Variants in PLA2R1 observed in about 807,000 individuals in gnomAD.
PLA2R1 encodes the protein secretory phospholipase A2 receptor.
A neutral mutation model predicts 195.9 loss-of-function variants in PLA2R1; 158 were observed. That is an observed-to-expected ratio of 0.81 (90% CI 0.71 to 0.92). PLA2R1 has a LOEUF of 0.92. Ranked by LOEUF, PLA2R1 falls within the 40% of genes least tolerant of loss-of-function variation. PLA2R1 has a pLI of 0.00. For synonymous variants in PLA2R1, 586 were observed against 598.2 expected (o/e 0.98, Z 0.30); for missense variants, 1,626 against 1,764.6 (o/e 0.92, Z 1.41).
intron 14 of PLA2R1, among the ~76,000 whole-genome samples, chr2:159,979,293 T>C (rs935847996): frequency 2.6e-5 from 4 of 152,218 alleles, no homozygotes; most frequent in African/African-American, 4.8e-5. Flanking sequence ...GTGTCCTTCA[T>C]AGAGGTTTGC....
intron 3 of PLA2R1, among the ~76,000 whole-genome samples, chr2:160,040,459 G>T (rs930801992): frequency 2.0e-5 from 3 of 152,162 alleles, no homozygotes; most frequent in African/African-American, 7.2e-5. Flanking sequence ...ATATTGCATA[G>T]AATTATCTCC....
intron 23 of PLA2R1, among the ~76,000 whole-genome samples, chr2:159,953,645 C>T (rs1687902783): frequency 6.6e-6 from 1 of 152,186 alleles, no homozygotes; most frequent in African/African-American, 2.4e-5. Flanking sequence ...GGTAGGCACT[C>T]CGGTGCCTAT....
chr2:159,956,874 T>C (rs540497677), intron 20 of PLA2R1, among the ~76,000 whole-genome samples: 1 of 152,092 alleles, frequency 6.6e-6, no homozygotes, highest in Non-Finnish European at 1.5e-5. Flanking sequence ...CGTTTTGTCT[T>C]GTGAAATGTC....
intron 3 of PLA2R1, among the ~76,000 whole-genome samples, chr2:160,037,091 T>A (rs1234489554): frequency 6.6e-6 from 1 of 152,164 alleles, no homozygotes; most frequent in Non-Finnish European, 1.5e-5. Flanking sequence ...AGATCTTCAA[T>A]AAATCCACAT....
chr2:159,955,880 T>C, intron 21 of PLA2R1, 52 bp from the exon 22 acceptor site: 1 of 1,108,226 alleles, frequency 9.0e-7, no homozygotes, highest in Non-Finnish European at 1.3e-6. Context: ...AGCATTTGGG[T>C]AATCACTGCA....
chr2:160,059,318 T>C (rs1217760613), intron 1 of PLA2R1, among the ~76,000 whole-genome samples: 1 of 152,186 alleles, frequency 6.6e-6, no homozygotes, highest in East Asian at 1.9e-4. Flanking sequence ...TAGGAGGAGA[T>C]GAGTTTCAGA....
In PLA2R1 at chr2:159,979,811, C is replaced by T. The variant is rs746319460; in HGVS notation, c.2268+19G>A. 1 of 1,445,584 alleles carries T rather than the reference C, an allele frequency of 6.9e-7. No individual in the cohort carries two copies. Among genetic ancestry groups the T allele is most frequent in the Non-Finnish European group, 9.7e-7 (1 of 1,030,908 alleles). The allele number at this position is 1,445,584 out of a possible 1,614,324, so 89.5% of individuals were successfully genotyped here. A position where few individuals can be genotyped will look rare whatever the true frequency, so the allele number is the denominator to read the frequency against. On this transcript the variant is annotated intron_variant, in intron 14 of 29. Coordinates refer to ENST00000283243, the MANE Select transcript of PLA2R1 (RefSeq NM_007366.5). The stretch of plus-strand genomic sequence containing the variant: ...CTTGTTTTGAATCCATCCCTTTTCT[C>T]CAGTTTGAAAAGACTTACAGGAGTT...
intron 6 of PLA2R1, among the ~76,000 whole-genome samples, chr2:160,024,139 T>G (rs926174985): frequency 6.6e-6 from 1 of 152,154 alleles, no homozygotes; most frequent in African/African-American, 2.4e-5. Flanking sequence ...CTCTGTGGAC[T>G]ATGGGTCTAT....
downstream of PLA2R1, among the ~76,000 whole-genome samples, chr2:159,927,761 G>A (rs561577962): frequency 2.4e-4 from 36 of 152,230 alleles, no homozygotes; most frequent in African/African-American, 6.5e-4. Flanking sequence ...CCTGGTCTAC[G>A]ATGACCCACA....
At chr2:159,962,819 G>A (rs1250683062) in intron 20 of PLA2R1, among the ~76,000 whole-genome samples, 1 of 152,062 alleles carries the variant, frequency 6.6e-6, no homozygotes, top group African/African-American at 2.4e-5. Flanking sequence ...TCACTCATAA[G>A]TGGGAGCTAA....
chr2:159,976,530 TATTA>T (rs1490690279), intron 16 of PLA2R1, among the ~76,000 whole-genome samples, 151 bp downstream of exon 16: 6 of 152,186 alleles, frequency 3.9e-5, no homozygotes, highest in African/African-American at 1.2e-4. Flanking sequence ...TGACTACATT[TATTA>T]ATTATTAATT....
chr2:159,983,631 T>C (rs1048675768), intron 13 of PLA2R1, among the ~76,000 whole-genome samples: 2 of 152,110 alleles, frequency 1.3e-5, no homozygotes, highest in Non-Finnish European at 2.9e-5. Flanking sequence ...CACAACACTT[T>C]GAAAACCATT....
chr2:160,016,488 GA>G, intron 9 of PLA2R1, 125 bp downstream of exon 9: 1 of 651,256 alleles, frequency 1.5e-6, no homozygotes, highest in African/African-American at 1.9e-5. Context: ...GGTGCGAGGA[GA>G]GAGAGAGAGA....
intron 28 of PLA2R1, among the ~76,000 whole-genome samples, chr2:159,944,623 T>C (rs943165475): frequency 1.3e-5 from 2 of 152,182 alleles, no homozygotes; most frequent in African/African-American, 4.8e-5. Context: ...CTAGTTCTAT[T>C]TGCTTGAGGG....
chr2:160,022,623 T>G, intron 7 of PLA2R1, 42 bp downstream of exon 7: 2 of 1,202,772 alleles, frequency 1.7e-6, no homozygotes, highest in Non-Finnish European at 2.3e-6. Flanking sequence ...AGTTACTACA[T>G]TATATTTTAT....
intron 23 of PLA2R1, among the ~76,000 whole-genome samples, chr2:159,952,479 GTT>G (rs777098914): frequency 2.6e-5 from 4 of 152,186 alleles, no homozygotes; most frequent in Non-Finnish European, 4.4e-5. Flanking sequence ...CAAGGTAAGA[GTT>G]TTTGTACCTT....
At chr2:159,971,160 T>A (rs926075641) in intron 17 of PLA2R1, among the ~76,000 whole-genome samples, 1 of 152,184 alleles carries the variant, frequency 6.6e-6, no homozygotes, top group African/African-American at 2.4e-5. Flanking sequence ...AAATATGTAC[T>A]TTTTAATATA....
chr2:159,955,980 TA>T (rs1486452457), intron 21 of PLA2R1, 152 bp from the exon 22 acceptor site: 5 of 482,904 alleles, frequency 1.0e-5, no homozygotes, highest in African/African-American at 2.0e-5. Context: ...CTTGTTAAGG[TA>T]ATGCAGTTTC....
intron 4 of PLA2R1, among the ~76,000 whole-genome samples, chr2:160,031,596 GCA>G (rs1693854391): frequency 6.6e-6 from 1 of 152,118 alleles, no homozygotes; most frequent in Non-Finnish European, 1.5e-5. Context: ...GGAAATTGAG[GCA>G]CAGAGCGGTT....
Sources: allele counts gnomAD v4.1 joint callset (sites outside exome capture counted in the v4.1 genomes callset), GRCh38; gene constraint gnomAD v4.1.1; transcripts MANE v1.5; gene names NCBI Gene and HGNC (gene_info 2026-07-23, HGNC 2026-07-21).